The following SERPINB11 variants were observed in gnomAD, a reference collection of about 807,000 sequenced individuals.
SERPINB11 encodes serpin family B member 11.
A neutral mutation model predicts 36.7 loss-of-function variants in SERPINB11; 32 were observed. The observed-to-expected ratio is 0.87, with a 90% CI of 0.66 to 1.17. The LOEUF is 1.17. SERPINB11 is among the 50% of genes most tolerant of loss of function. The pLI, the probability that SERPINB11 is intolerant of heterozygous loss-of-function variation, is 0.00. For synonymous variants in SERPINB11, 174 were observed against 168.1 expected, an observed-to-expected ratio of 1.04 and a Z score of -0.27; for missense variants, 528 against 458.4, an observed-to-expected ratio of 1.15 and a Z score of -1.39.
intron 2 of SERPINB11, 95 bp from the exon 3 acceptor site, chr18:63,711,240 G>A: frequency 1.2e-6 from 1 of 854,266 alleles, no homozygotes; most frequent in Non-Finnish European, 1.9e-6. Context: ...TACTGATCTT[G>A]ATCTAAAATA....
Position 63,723,378 on chromosome 18 carries a change from T to C in SERPINB11, c.1158T>C (p.Cys386=), listed in dbSNP as rs2144554634. The C allele has an allele frequency of 1.2e-6, 2 of 1,607,268 alleles. No individual in the cohort carries two copies. Residue 386 remains cysteine (C), a synonymous_variant, in exon 8 of 8, where the codon TGT becomes TGC. Transcript: ENST00000544088. ...CTCATACCAACACGATCCTATTCTG[T>C]GGCAAGCTTGCCTCTCCCTAATCAG... ...RHTHTNTILF[C]GKLASP
chr18:63,720,268 G>C (rs1315765176), intron 6 of SERPINB11, 113 bp downstream of exon 6: 1 of 937,896 alleles, frequency 1.1e-6, no homozygotes, highest in Middle Eastern at 3.4e-4. Context: ...GGTTTCTGTT[G>C]GTTCTTTTTA....
In SERPINB11 at chr18:63,723,533, A is replaced by G; in HGVS notation, c.*134A>G. ...GTTTGCTCATCTGCAAAATAGGTCT[A>G]GGATTTCTTCCAACCATTTCATGAG... On this transcript the variant is annotated 3_prime_UTR_variant, in exon 8 of 8. Transcript: ENST00000544088. 2.6e-6 allele frequency: 2 copies of G among 758,642 alleles called. No homozygotes were observed. The highest frequency in any genetic ancestry group is 4.5e-5 in the South Asian group (2 of 44,170). The allele number at this position is 758,642 out of a possible 1,614,324, so 47.0% of individuals were successfully genotyped here. A position where few individuals can be genotyped will look rare whatever the true frequency, so the allele number is the denominator to read the frequency against.
rs772579329 is a variant in SERPINB11 at position 63,712,630 on chromosome 18, C to T, written c.294C>T (p.Asp98=). The T allele has an allele frequency of 3.7e-6, 6 of 1,613,796 alleles. No individual in the cohort carries two copies. Among genetic ancestry groups the T allele is most frequent in the South Asian group, 3.3e-5 (3 of 91,068 alleles). The change falls in exon 4 of 8, where the codon GAC becomes GAT. Residue 98 remains aspartate (D), a synonymous_variant. Coordinates refer to ENST00000544088, the MANE Select transcript of SERPINB11 (RefSeq NM_001370475.1). ...GVEFSQINQP[D]SNCTLSIANR... ...AATTCTCTCAAATCAACCAGCCAGA[C>T]TCTAACTGTACCCTCAGCATTGCCA...
intron 7 of SERPINB11, among the ~76,000 whole-genome samples, chr18:63,721,371 G>A (rs981342526): frequency 6.6e-6 from 1 of 152,176 alleles, no homozygotes; most frequent in African/African-American, 2.4e-5. Flanking sequence ...GTATTTCTGA[G>A]CCAATTGTAC....
chr18:63,717,149 T>C (rs1280685885), intron 5 of SERPINB11, among the ~76,000 whole-genome samples: 3 of 152,086 alleles, frequency 2.0e-5, no homozygotes, highest in African/African-American at 7.2e-5. Flanking sequence ...TCATAAGTTA[T>C]GTGGGTTTTT....
At chr18:63,707,338 C>G (rs952857) in intron 1 of SERPINB11, among the ~76,000 whole-genome samples, 2 of 151,902 alleles carry the variant, frequency 1.3e-5, no homozygotes, top group South Asian at 2.1e-4. Flanking sequence ...GAACTTCTGA[C>G]TAGGTGACAT....
chr18:63,710,238 G>A lies in SERPINB11; in HGVS notation c.45G>A (p.Val15=), dbSNP rs34367921. The A allele has an allele frequency of 0.018, 28,818 of 1,613,218 alleles. 319 individuals carry two copies. The highest frequency in any genetic ancestry group is 0.021 in the Non-Finnish European group (25,125 of 1,179,514). ...STANVEFCLD[V]FKELNSNNIG... ...CTAACGTTGAATTTTGCCTTGATGTGTTCAAAGAGCTGAACAGTAACAACA... is the reference window on the plus strand; with the variant it reads ...CTAACGTTGAATTTTGCCTTGATGTATTCAAAGAGCTGAACAGTAACAACA... The change falls in exon 2 of 8, where the codon GTG becomes GTA. Residue 15 remains valine (V), a synonymous_variant. Transcript: ENST00000544088.
chr18:63,708,021 T>C (rs1581425), intron 1 of SERPINB11, among the ~76,000 whole-genome samples: 56,462 of 151,982 alleles, frequency 0.37, 11,345 homozygotes, highest in East Asian at 0.61. Flanking sequence ...GAATGAGCCA[T>C]TCAAATATCT....
intron 5 of SERPINB11, among the ~76,000 whole-genome samples, chr18:63,718,171 A>G (rs555716778): frequency 2.0e-5 from 3 of 152,082 alleles, no homozygotes; most frequent in South Asian, 4.1e-4. Flanking sequence ...GTTTATTCTC[A>G]TGATGATGCC....
At position 63,710,318 on chromosome 18, in the gene SERPINB11, T is replaced by C. The variant is rs1914487115; in HGVS notation, c.125T>C (p.Val42Ala). The part of the protein sequence containing the change: ...SLSLLYALSM[V>A]LLGARGETEE... ...AGTCTGCTTTATGCTCTAAGCATGG[T>C]CCTCCTTGGTGCCAGGGGAGAGACT... The change falls in exon 2 of 8, where the codon GTC (valine) becomes GCC (alanine). Residue 42 changes from valine to alanine, a missense_variant. Transcript: ENST00000544088. The C allele has an allele frequency of 6.2e-7, 1 of 1,613,502 alleles. No homozygotes were observed. The highest frequency in any genetic ancestry group is 1.1e-5 in the South Asian group (1 of 91,010).
intron 7 of SERPINB11, among the ~76,000 whole-genome samples, chr18:63,722,783 G>A (rs1598970121): frequency 6.6e-6 from 1 of 152,266 alleles, no homozygotes; most frequent in East Asian, 1.9e-4. Context: ...TACTTGAGAA[G>A]CTTAATTATG....
At chr18:63,703,476 A>G (rs573801343) in intron 1 of SERPINB11, among the ~76,000 whole-genome samples, 2 of 152,282 alleles carry the variant, frequency 1.3e-5, no homozygotes, top group African/African-American at 4.8e-5. Flanking sequence ...CCTAAGTAAT[A>G]TGTGTATTCT....
chr18:63,718,123 T>C (rs1457748246), intron 5 of SERPINB11, among the ~76,000 whole-genome samples: 2 of 152,036 alleles, frequency 1.3e-5, no homozygotes, highest in African/African-American at 4.8e-5. Flanking sequence ...TGTGTGAATC[T>C]GCTCCTAGGT....
chr18:63,723,064 G>A lies in SERPINB11; in HGVS notation c.844G>A (p.Val282Ile). The change falls in exon 8 of 8, where the codon GTT becomes ATT. Residue 282 changes from valine to isoleucine, a missense_variant. Coordinates refer to ENST00000544088, the MANE Select transcript of SERPINB11 (RefSeq NM_001370475.1). ...CTCTTCTAACATGATGGAAAGAGAAGTTGAAGTACACCTCCCCCGATTCAA... is the reference window on the plus strand; with the variant it reads ...CTCTTCTAACATGATGGAAAGAGAAATTGAAGTACACCTCCCCCGATTCAA... The part of the protein sequence containing the change: ...TSSSNMMERE[V>I]EVHLPRFKLE... 1 of 1,605,562 alleles carries A rather than the reference G, an allele frequency of 6.2e-7. No individual in the cohort carries two copies. Among genetic ancestry groups the A allele is most frequent in the Non-Finnish European group, 8.5e-7 (1 of 1,175,802 alleles).
intron 3 of SERPINB11, among the ~76,000 whole-genome samples, chr18:63,712,028 A>G (rs1333229607): frequency 2.0e-5 from 3 of 152,202 alleles, no homozygotes; most frequent in African/African-American, 4.8e-5. Context: ...GAATATAGGA[A>G]TATTGCCTAT....
In SERPINB11 at chr18:63,716,102, C is replaced by A. The variant is rs1282150018; in HGVS notation, c.425C>A (p.Thr142Lys). The A allele has an allele frequency of 1.2e-6, 2 of 1,611,888 alleles. No individual in the cohort carries two copies. Among genetic ancestry groups the A allele is most frequent in the East Asian group, 4.5e-5 (2 of 44,796 alleles). The change falls in exon 5 of 8, where the codon ACA becomes AAA. Residue 142 changes from threonine to lysine, a missense_variant. Thr to Lys is a moderately conservative substitution (Grantham distance 78). Transcript: ENST00000544088. ...RLQTVDFEQS[T>K]EETRKTINAW... The stretch of plus-strand genomic sequence containing the variant: ...CAAACTGTGGATTTTGAACAGTCTA[C>A]AGAAGAAACGAGGAAAACGATTAAT...
In SERPINB11 at chr18:63,720,902, G is replaced by C. The variant is rs887292924; in HGVS notation, c.690G>C (p.Gln230His). The C allele has an allele frequency of 1.9e-6, 3 of 1,600,568 alleles. No individual in the cohort carries two copies. Among genetic ancestry groups the C allele is most frequent in the Admixed American group, 3.4e-5 (2 of 58,306 alleles). The stretch of plus-strand genomic sequence containing the variant: ...AACTGGCCTTTGTAAAGGAGCCGCA[G>C]ATGCAAGTTCTTGAGCTGCCCTACG... ...TFKLAFVKEP[Q>H]MQVLELPYVN... The change falls in exon 7 of 8, where the codon CAG (glutamine) becomes CAC (histidine). Residue 230 changes from glutamine to histidine, a missense_variant. By Grantham distance (24) the Gln-to-His change is conservative. Transcript: ENST00000544088.
chr18:63,707,750 C>A (rs966135435), intron 1 of SERPINB11, among the ~76,000 whole-genome samples: 8 of 152,316 alleles, frequency 5.3e-5, no homozygotes, highest in Admixed American at 5.2e-4. Context: ...CTTCCTTCTG[C>A]AAACATGTAC....
Sources: gnomAD v4.1 joint callset for allele counts (sites outside exome capture counted in the v4.1 genomes callset) on GRCh38, gnomAD v4.1.1 for gene constraint, MANE v1.5 for transcripts, NCBI Gene and HGNC (gene_info 2026-07-23, HGNC 2026-07-21) for gene names.